Variants in PDK1 observed in about 807,000 individuals in gnomAD.
PDK1 encodes the protein [Pyruvate dehydrogenase (acetyl-transferring)] kinase isozyme 1, mitochondrial.
Under a neutral mutation model 54.2 loss-of-function variants are expected in PDK1, and 39 were observed. The ratio of observed to expected loss-of-function variants is 0.72; its 90% CI spans 0.56 to 0.94. The LOEUF (loss-of-function observed/expected upper bound fraction) is 0.94. Among genes scored for constraint, PDK1 ranks in the 40% least tolerant of loss-of-function variants. The pLI is 0.00. For missense variants in PDK1, 552 were observed against 566.0 expected (o/e 0.98, Z 0.25); for synonymous variants, 221 against 207.1 (o/e 1.07, Z -0.58).
intron 10 of PDK1, among the ~76,000 whole-genome samples, chr2:172,594,051 T>A (rs1690754189): frequency 6.6e-6 from 1 of 151,784 alleles, no homozygotes; most frequent in Admixed American, 6.6e-5. Context: ...TTTTTTTTTT[T>A]TTGAGACGGA....
At position 172,600,233 on chromosome 2, in the gene PDK1, T is replaced by C. The variant is rs1366459204; in HGVS notation, c.*4264T>C. The C allele has an allele frequency of 1.3e-5, 2 of 152,182 alleles. No homozygotes were observed. The highest frequency in any genetic ancestry group is 2.9e-5 in the Non-Finnish European group (2 of 68,036). 9.4% of individuals were successfully genotyped at this position (152,182 alleles called of 1,614,324 possible). On this transcript the variant is annotated 3_prime_UTR_variant, in exon 11 of 11. Transcript: ENST00000282077. ...TATGGAATTCAGAATGTGACAGTTA[T>C]AGTACTACATGAAAATACTTAATAT...
At chr2:172,562,409 C>T in intron 3 of PDK1, 118 bp downstream of exon 3, 1 of 694,670 alleles carries the variant, frequency 1.4e-6, no homozygotes, top group South Asian at 1.7e-5. Context: ...TGTAGCAGCC[C>T]ATACAGGCAG....
the PDK1 span, among the ~76,000 whole-genome samples, chr2:172,673,667 C>T: frequency 6.6e-6 from 1 of 152,124 alleles, no homozygotes; most frequent in East Asian, 1.9e-4. Context: ...TCCATAAAAC[C>T]CATCAGTTTA....
At chr2:172,669,206 T>C in the PDK1 span, among the ~76,000 whole-genome samples, 43,452 of 151,300 alleles carry the variant, frequency 0.29, 7,795 homozygotes, top group East Asian at 0.55. Flanking sequence ...ACTACAGGCG[T>C]CTGCCACTAC....
chr2:172,640,489 G>GA, the PDK1 span, among the ~76,000 whole-genome samples: 2 of 152,118 alleles, frequency 1.3e-5, no homozygotes, highest in African/African-American at 4.8e-5. Context: ...AAGACTGAGA[G>GA]AAAAAAATAT....
chr2:172,719,284 A>C, the PDK1 span, among the ~76,000 whole-genome samples: 4 of 152,180 alleles, frequency 2.6e-5, no homozygotes, highest in African/African-American at 7.2e-5. Flanking sequence ...AGTCGTGTAC[A>C]GGTTTTTGGT....
the PDK1 span, among the ~76,000 whole-genome samples, chr2:172,696,355 G>A: frequency 6.6e-6 from 1 of 152,062 alleles, no homozygotes; most frequent in Non-Finnish European, 1.5e-5. Flanking sequence ...AAATTGTTTT[G>A]TTTTAGGCCA....
At chr2:172,645,816 G>A in the PDK1 span, among the ~76,000 whole-genome samples, 4 of 152,240 alleles carry the variant, frequency 2.6e-5, no homozygotes, top group East Asian at 7.7e-4. Context: ...ACAGTACCTG[G>A]CAGAAAGGAT....
At position 172,556,133 on chromosome 2, in the gene PDK1, T is replaced by C. The variant is rs1248331979; in HGVS notation, c.-18T>C. 18 of 1,393,650 alleles carry C rather than the reference T, an allele frequency of 1.3e-5. No homozygotes were observed. Among genetic ancestry groups the C allele is most frequent in the Admixed American group, 3.5e-5 (1 of 28,904 alleles). 86.3% of individuals were successfully genotyped at this position (1,393,650 alleles called of 1,614,324 possible). On this transcript the variant is annotated 5_prime_UTR_variant, in exon 1 of 11. Coordinates refer to ENST00000282077, the MANE Select transcript of PDK1 (RefSeq NM_002610.5). Reference sequence around the variant, plus strand: ...GAAACCTGGCGTACTGGCTGTGGCTTCTCTAGCGGGACTCGGCATGAGGCT... The same window carrying C: ...GAAACCTGGCGTACTGGCTGTGGCTCCTCTAGCGGGACTCGGCATGAGGCT...
Position 172,605,600 on chromosome 2 carries a change from C to G in PDK1, c.*9631C>G, listed in dbSNP as rs1023292146. The G allele has an allele frequency of 6.6e-6, 1 of 152,224 alleles. No homozygotes were observed. The highest frequency in any genetic ancestry group is 2.4e-5 in the African/African-American group (1 of 41,404). 9.4% of individuals were successfully genotyped at this position (152,224 alleles called of 1,614,324 possible). A position where few individuals can be genotyped will look rare whatever the true frequency, so the allele number is the denominator to read the frequency against. On this transcript the variant is annotated 3_prime_UTR_variant, in exon 11 of 11. Transcript: ENST00000282077. ...GTGTTGGCCAGGCTGGTCTCGAACT[C>G]CTGAGCTCAAGTGATCCTCCTGCCT... is the stretch of plus-strand genomic sequence containing the variant.
At chr2:172,626,302 A>C in the PDK1 span, among the ~76,000 whole-genome samples, 9 of 152,120 alleles carry the variant, frequency 5.9e-5, no homozygotes, top group Non-Finnish European at 1.5e-5. Context: ...AGGTAGAGTG[A>C]CATTAGTAAT....
the PDK1 span, among the ~76,000 whole-genome samples, chr2:172,696,289 A>G: frequency 6.6e-6 from 1 of 152,270 alleles, no homozygotes; most frequent in East Asian, 1.9e-4. Context: ...GACCCTAAGC[A>G]GAGAACCCAG....
At chr2:172,691,487 G>A in the PDK1 span, 9 of 136,784 alleles carry the variant, frequency 6.6e-5, no homozygotes, top group Non-Finnish European at 1.4e-4. Flanking sequence ...TGGGACAAAT[G>A]TATAATGGCA....
chr2:172,713,165 C>T, the PDK1 span, among the ~76,000 whole-genome samples: 13 of 152,188 alleles, frequency 8.5e-5, no homozygotes, highest in Non-Finnish European at 1.6e-4. Flanking sequence ...AGAGGAGACT[C>T]ATGGTGGGTA....
chr2:172,558,376 T>G (rs1688466747), intron 1 of PDK1: 1 of 195,204 alleles, frequency 5.1e-6, no homozygotes, highest in South Asian at 1.6e-4. Flanking sequence ...GCTGTTAATT[T>G]TATAAAGCCT....
At chr2:172,691,910 C>T in the PDK1 span, among the ~76,000 whole-genome samples, 1 of 152,170 alleles carries the variant, frequency 6.6e-6, no homozygotes, top group African/African-American at 2.4e-5. Flanking sequence ...CATAAGTTTC[C>T]AACTCCTTTG....
the PDK1 span, among the ~76,000 whole-genome samples, chr2:172,694,559 A>G: frequency 1.3e-5 from 2 of 152,036 alleles, no homozygotes; most frequent in African/African-American, 2.4e-5. Flanking sequence ...AGGATGTGCT[A>G]GTTTGGTGAA....
intron 9 of PDK1, among the ~76,000 whole-genome samples, chr2:172,586,739 T>C (rs1308340872): frequency 6.6e-6 from 1 of 152,198 alleles, no homozygotes; most frequent in Non-Finnish European, 1.5e-5. Flanking sequence ...TGAATTACTT[T>C]TTAGTGTTGA....
Position 172,558,697 on chromosome 2 carries a change from T to C in PDK1, c.197-11T>C, listed in dbSNP as rs1212534443. 5 of 1,594,026 alleles carry C rather than the reference T, an allele frequency of 3.1e-6. No homozygotes were observed. The East Asian group carries it at 6.7e-5, about 21-fold the overall frequency. On this transcript the variant is annotated splice_polypyrimidine_tract_variant and intron_variant, in intron 1 of 10. Transcript: ENST00000282077. The stretch of plus-strand genomic sequence containing the variant: ...TTTACTTACTGCTTTACCCATCATG[T>C]TTGGTTTCAGGATCAGTGAATGCTT...
Sources: gnomAD v4.1 joint callset for allele counts (sites outside exome capture counted in the v4.1 genomes callset) on GRCh38, gnomAD v4.1.1 for gene constraint, MANE v1.5 for transcripts, NCBI Gene and HGNC (gene_info 2026-07-23, HGNC 2026-07-21) for gene names.